Variants in GRM5 observed in about 807,000 individuals in gnomAD.
GRM5 encodes the protein metabotropic glutamate receptor 5.
GRM5 carries 19 observed loss-of-function variants against 83.1 expected under a neutral mutation model. That is an observed-to-expected ratio of 0.23 (90% confidence interval 0.16 to 0.34). The LOEUF is 0.34. GRM5 is among the 10% of genes least tolerant of loss of function. The pLI is 1.00. For synonymous variants in GRM5, 675 were observed against 633.6 expected, an observed-to-expected ratio of 1.07 and a Z score of -0.98; for missense variants, 1,160 against 1,588.3, an observed-to-expected ratio of 0.73 and a Z score of 4.58.
chr11:88,962,269 C>A (rs1938808689), intron 2 of GRM5, among the ~76,000 whole-genome samples: 1 of 152,070 alleles, frequency 6.6e-6, no homozygotes, highest in Non-Finnish European at 1.5e-5. Context: ...GCCATCCACC[C>A]ACCTTTCCTC....
intron 3 of GRM5, among the ~76,000 whole-genome samples, chr11:88,690,305 C>G (rs1940749200): frequency 6.6e-6 from 1 of 152,148 alleles, no homozygotes; most frequent in Non-Finnish European, 1.5e-5. Context: ...ACTTAATTGT[C>G]CACATTTTGT....
At chr11:88,811,887 C>T (rs1943594724) in intron 3 of GRM5, among the ~76,000 whole-genome samples, 1 of 152,040 alleles carries the variant, frequency 6.6e-6, no homozygotes, top group African/African-American at 2.4e-5. Context: ...TTTACAGCAC[C>T]TATCAGTGAT....
chr11:88,729,106 T>C (rs1241980965), intron 3 of GRM5, among the ~76,000 whole-genome samples: 1 of 152,148 alleles, frequency 6.6e-6, no homozygotes, highest in Non-Finnish European at 1.5e-5. Context: ...GATGACATGA[T>C]TGTGTCTTTT....
intron 2 of GRM5, among the ~76,000 whole-genome samples, chr11:88,943,662 A>G (rs1240630777): frequency 2.0e-5 from 3 of 152,058 alleles, no homozygotes; most frequent in Non-Finnish European, 2.9e-5. Context: ...CCCACCAGCA[A>G]CAAAAAGTAG....
At chr11:89,029,566 A>G (rs931086601) in intron 2 of GRM5, among the ~76,000 whole-genome samples, 1 of 152,186 alleles carries the variant, frequency 6.6e-6, no homozygotes, top group Non-Finnish European at 1.5e-5. Context: ...CACTCTGAAC[A>G]TTAACATTAC....
intron 2 of GRM5, among the ~76,000 whole-genome samples, chr11:89,024,956 TA>T (rs1027652299): frequency 2.0e-5 from 3 of 152,268 alleles, no homozygotes; most frequent in East Asian, 3.9e-4. Flanking sequence ...ATTTTTCCAC[TA>T]AAAAAGATTT....
intron 4 of GRM5, among the ~76,000 whole-genome samples, chr11:88,651,337 C>T (rs1281695225): frequency 1.3e-5 from 2 of 151,838 alleles, no homozygotes; most frequent in Non-Finnish European, 2.9e-5. Context: ...TGGAAAAATT[C>T]CCTTAAATAT....
At chr11:88,621,066 C>A (rs1360288963) in intron 4 of GRM5, among the ~76,000 whole-genome samples, 1 of 152,154 alleles carries the variant, frequency 6.6e-6, no homozygotes, top group Admixed American at 6.6e-5. Flanking sequence ...CTCTCATTCA[C>A]ATTACAGTAT....
At chr11:88,843,378 G>T (rs1944238521) in intron 3 of GRM5, among the ~76,000 whole-genome samples, 2 of 150,748 alleles carry the variant, frequency 1.3e-5, no homozygotes, top group Non-Finnish European at 2.9e-5. Flanking sequence ...GGTAATAAAC[G>T]TATCCGTCAC....
In GRM5 at chr11:88,978,041, G is replaced by A. The variant is rs185718989; in HGVS notation, c.661+69171C>T. On this transcript the variant is annotated intron_variant, in intron 2 of 9. Transcript: ENST00000305447. ...TATTGGGTATCATATAGAAAACTGC[G>A]CATTTTCATTTGTAGTAGATCAGTT... is the stretch of plus-strand genomic sequence containing the variant. Among the ~76,000 whole-genome samples, 208 of 152,130 alleles carry A rather than the reference G, an allele frequency of 1.4e-3. 1 individual carries two copies. Among genetic ancestry groups the A allele is most frequent in the Middle Eastern group, 3.4e-3 (1 of 294 alleles).
chr11:88,946,879 C>A (rs1938299206), intron 2 of GRM5, among the ~76,000 whole-genome samples: 1 of 152,022 alleles, frequency 6.6e-6, no homozygotes, highest in Non-Finnish European at 1.5e-5. Context: ...ACATTACTGA[C>A]AGAACACCAG....
chr11:88,761,300 C>A (rs1294456553), intron 3 of GRM5, among the ~76,000 whole-genome samples: 1 of 152,082 alleles, frequency 6.6e-6, no homozygotes, highest in East Asian at 1.9e-4. Flanking sequence ...ACCTAGAAAA[C>A]CCCATAGTCT....
intron 3 of GRM5, among the ~76,000 whole-genome samples, chr11:88,797,310 C>T (rs1251105004): frequency 6.6e-6 from 1 of 151,950 alleles, no homozygotes; most frequent in Non-Finnish European, 1.5e-5. Context: ...CCACCACGCT[C>T]CGCTAATTTT....
chr11:88,733,384 A>T (rs1264772877), intron 3 of GRM5, among the ~76,000 whole-genome samples: 1 of 152,046 alleles, frequency 6.6e-6, no homozygotes, highest in Non-Finnish European at 1.5e-5. Flanking sequence ...TAATTTTTCA[A>T]GTTTATATAT....
intron 7 of GRM5, among the ~76,000 whole-genome samples, chr11:88,589,771 C>T (rs1206378351): frequency 1.3e-5 from 2 of 152,124 alleles, no homozygotes; most frequent in Admixed American, 1.3e-4. Flanking sequence ...TCTATGTCCT[C>T]TTATTATATT....
chr11:88,528,814 A>C (rs1030008584), intron 8 of GRM5, among the ~76,000 whole-genome samples: 21 of 152,066 alleles, frequency 1.4e-4, no homozygotes, highest in African/African-American at 5.1e-4. Flanking sequence ...TAAAACAGCC[A>C]TACAAAGCAG....
At chr11:89,058,797 A>G (rs1286245985) in intron 1 of GRM5, among the ~76,000 whole-genome samples, 1 of 152,222 alleles carries the variant, frequency 6.6e-6, no homozygotes. Context: ...ATCCTACGAT[A>G]TACTTCCCGA....
intron 3 of GRM5, among the ~76,000 whole-genome samples, chr11:88,821,363 G>GAAAAAAAAAAAAAAAAAAAAAAA (rs1415186133): frequency 9.5e-6 from 1 of 104,982 alleles, no homozygotes; most frequent in Non-Finnish European, 1.9e-5. Flanking sequence ...AAAAAAAAAA[G>GAAAAAAAAAAAAAAAAAAAAAAA]AAAAAAGAAA....
At chr11:88,977,200 A>G (rs1429790687) in intron 2 of GRM5, among the ~76,000 whole-genome samples, 1 of 149,894 alleles carries the variant, frequency 6.7e-6, no homozygotes, top group Non-Finnish European at 1.5e-5. Flanking sequence ...TTTATTTTAT[A>G]TTATATTATT....
Sources: allele counts gnomAD v4.1 joint callset (sites outside exome capture counted in the v4.1 genomes callset), GRCh38; gene constraint gnomAD v4.1.1; transcripts MANE v1.5; gene names NCBI Gene and HGNC (gene_info 2026-07-23, HGNC 2026-07-21).